Variants in AUH observed in about 807,000 individuals in gnomAD.
The protein encoded by AUH is AU RNA binding methylglutaconyl-CoA hydratase.
AUH carries 29 observed loss-of-function variants against 42.3 expected under a neutral mutation model. That is an observed-to-expected ratio of 0.69 (90% CI 0.51 to 0.93). The LOEUF (loss-of-function observed/expected upper bound fraction) is 0.93. AUH is among the 40% of genes least tolerant of loss of function. The pLI is 0.00. For synonymous variants in AUH, 174 were observed against 166.4 expected (o/e 1.05, Z -0.35); for missense variants, 452 against 438.1 (o/e 1.03, Z -0.28).
intron 7 of AUH, among the ~76,000 whole-genome samples, chr9:91,219,746 C>G (rs1331335764): frequency 1.3e-5 from 2 of 152,218 alleles, no homozygotes; most frequent in Non-Finnish European, 2.9e-5. Context: ...TGCATACCAG[C>G]AGAGTGGGGA....
At chr9:91,254,749 C>T (rs146910878) in intron 6 of AUH, among the ~76,000 whole-genome samples, 70 of 152,312 alleles carry the variant, frequency 4.6e-4, no homozygotes, top group Non-Finnish European at 7.4e-4. Context: ...TTACACTGAA[C>T]ATCATTTTCC....
chr9:91,335,572 T>C (rs1443120955), intron 3 of AUH, among the ~76,000 whole-genome samples: 1 of 152,244 alleles, frequency 6.6e-6, no homozygotes, highest in African/African-American at 2.4e-5. Context: ...TCCTTTCATC[T>C]ACCCTATTTG....
chr9:91,297,912 T>C, intron 5 of AUH, 72 bp downstream of exon 5: 1 of 1,224,152 alleles, frequency 8.2e-7, no homozygotes, highest in Non-Finnish European at 1.2e-6. Context: ...GAATAAAATA[T>C]TTAAAATTAC....
chr9:91,242,646 T>A (rs150168448), intron 6 of AUH, among the ~76,000 whole-genome samples: 3 of 152,208 alleles, frequency 2.0e-5, no homozygotes, highest in Non-Finnish European at 4.4e-5. Context: ...TTAACTGTAA[T>A]AACTGTAACA....
At chr9:91,353,174 C>T (rs1832122761) in intron 3 of AUH, among the ~76,000 whole-genome samples, 1 of 151,982 alleles carries the variant, frequency 6.6e-6, no homozygotes, top group Admixed American at 6.6e-5. Context: ...GCAACCTCTG[C>T]CTCCCAGGTT....
At chr9:91,344,016 G>A (rs1228762831) in intron 3 of AUH, among the ~76,000 whole-genome samples, 1 of 152,186 alleles carries the variant, frequency 6.6e-6, no homozygotes, top group African/African-American at 2.4e-5. Flanking sequence ...ATGATGGAAA[G>A]TGGGAGTGGG....
chr9:91,289,852 G>A (rs940768026), intron 6 of AUH, among the ~76,000 whole-genome samples: 11 of 152,032 alleles, frequency 7.2e-5, no homozygotes, highest in South Asian at 2.1e-4. Context: ...ACACAAAAAC[G>A]TATTTTTAAA....
At chr9:91,308,111 T>C (rs1447994571) in intron 4 of AUH, among the ~76,000 whole-genome samples, 1 of 152,164 alleles carries the variant, frequency 6.6e-6, no homozygotes, top group African/African-American at 2.4e-5. Flanking sequence ...ATTTTTAAAA[T>C]GTAAAATTGC....
intron 8 of AUH, among the ~76,000 whole-genome samples, chr9:91,217,040 G>T (rs1340172951): frequency 6.6e-6 from 1 of 152,204 alleles, no homozygotes; most frequent in Non-Finnish European, 1.5e-5. Flanking sequence ...CATGTCATAA[G>T]CTTCAGGGCA....
At chr9:91,331,128 T>C (rs1033097560) in intron 3 of AUH, among the ~76,000 whole-genome samples, 2 of 152,082 alleles carry the variant, frequency 1.3e-5, no homozygotes, top group Non-Finnish European at 1.5e-5. Flanking sequence ...CTGCCTCCCA[T>C]GCTCTCCTCC....
intron 6 of AUH, among the ~76,000 whole-genome samples, chr9:91,276,588 G>A (rs1005365669): frequency 1.3e-5 from 2 of 151,816 alleles, no homozygotes; most frequent in Non-Finnish European, 2.9e-5. Flanking sequence ...TTATTTTTTC[G>A]AAACTCAACA....
chr9:91,239,774 C>A (rs1828400316), intron 6 of AUH, among the ~76,000 whole-genome samples: 1 of 152,110 alleles, frequency 6.6e-6, no homozygotes, highest in Non-Finnish European at 1.5e-5. Context: ...CACGCACGCA[C>A]AAGACAGAGG....
At chr9:91,329,519 T>C (rs1317553394) in intron 3 of AUH, among the ~76,000 whole-genome samples, 1 of 152,226 alleles carries the variant, frequency 6.6e-6, no homozygotes, top group Non-Finnish European at 1.5e-5. Flanking sequence ...ACTTTTCATG[T>C]GCTTACTGGC....
At chr9:91,338,491 C>T (rs1023677076) in intron 3 of AUH, among the ~76,000 whole-genome samples, 4 of 152,146 alleles carry the variant, frequency 2.6e-5, no homozygotes, top group Non-Finnish European at 5.9e-5. Context: ...AGCGCAATGG[C>T]GCGATCTCGG....
intron 4 of AUH, among the ~76,000 whole-genome samples, chr9:91,311,260 G>GA (rs910749983): frequency 1.3e-5 from 2 of 151,958 alleles, no homozygotes; most frequent in Admixed American, 6.6e-5. Context: ...TAAATGTTAA[G>GA]AAAAAAATTG....
intron 6 of AUH, among the ~76,000 whole-genome samples, chr9:91,290,475 G>A (rs1826777021): frequency 6.6e-6 from 1 of 152,172 alleles, no homozygotes; most frequent in Non-Finnish European, 1.5e-5. Flanking sequence ...ATGGGAATAT[G>A]TCAAAGCATT....
intron 6 of AUH, among the ~76,000 whole-genome samples, chr9:91,235,775 A>G (rs542132010): frequency 6.6e-6 from 1 of 152,320 alleles, no homozygotes; most frequent in South Asian, 2.1e-4. Flanking sequence ...TCTAGGAAAG[A>G]TATTCTTCAC....
chr9:91,233,463 C>T (rs536361483), intron 6 of AUH, among the ~76,000 whole-genome samples: 1 of 152,240 alleles, frequency 6.6e-6, no homozygotes, highest in Non-Finnish European at 1.5e-5. Flanking sequence ...AGCCACTGAA[C>T]ATCTGAGAGC....
intron 6 of AUH, among the ~76,000 whole-genome samples, chr9:91,273,417 G>A (rs888967439): frequency 6.6e-6 from 1 of 152,192 alleles, no homozygotes; most frequent in Non-Finnish European, 1.5e-5. Flanking sequence ...AGCTGCTATA[G>A]GAGCTATTGG....
Sources: gnomAD v4.1 joint callset for allele counts (sites outside exome capture counted in the v4.1 genomes callset) on GRCh38, gnomAD v4.1.1 for gene constraint, MANE v1.5 for transcripts, NCBI Gene and HGNC (gene_info 2026-07-23, HGNC 2026-07-21) for gene names.